The following TRAK2 variants were observed in gnomAD, a reference collection of about 807,000 sequenced individuals.
TRAK2 encodes trafficking kinesin-binding protein 2.
A neutral mutation model predicts 104.6 loss-of-function variants in TRAK2; 81 were observed. The observed-to-expected ratio is 0.77, with a 90% confidence interval of 0.65 to 0.93. The LOEUF is 0.93. TRAK2 is among the 40% of genes least tolerant of loss of function. The pLI is 0.00. For synonymous variants in TRAK2, 406 were observed against 394.4 expected, an observed-to-expected ratio of 1.03 and a Z score of -0.35; for missense variants, 1,002 against 1,089.0, an observed-to-expected ratio of 0.92 and a Z score of 1.12.
intron 2 of TRAK2, chr2:201,410,999 G>A (rs1452246934): frequency 6.9e-7 from 1 of 1,447,942 alleles, no homozygotes; most frequent in South Asian, 1.2e-5. Flanking sequence ...AAGTCTGAAA[G>A]CCCATATTGA....
chr2:201,390,625 A>T (rs1283257244), intron 10 of TRAK2, among the ~76,000 whole-genome samples: 1 of 151,658 alleles, frequency 6.6e-6, no homozygotes, highest in Non-Finnish European at 1.5e-5. Context: ...TAGCTTTTAT[A>T]ATATTAAAAA....
chr2:201,394,504 C>A (rs985516386), intron 9 of TRAK2, among the ~76,000 whole-genome samples: 2 of 151,980 alleles, frequency 1.3e-5, no homozygotes, highest in South Asian at 2.1e-4. Flanking sequence ...CCATGCCCAG[C>A]TAACTTTTGT....
intron 2 of TRAK2, among the ~76,000 whole-genome samples, chr2:201,408,245 C>T (rs1051058847): frequency 4.6e-5 from 7 of 152,302 alleles, no homozygotes; most frequent in Non-Finnish European, 7.3e-5. Flanking sequence ...GCAGATACCA[C>T]AAATCTGAAT....
intron 10 of TRAK2, among the ~76,000 whole-genome samples, chr2:201,390,448 C>T (rs2349082): frequency 0.57 from 82,567 of 145,604 alleles, 24,737 homozygotes; most frequent in South Asian, 0.68. Context: ...CCTGTAGTCC[C>T]AGCTACTCGG....
intron 12 of TRAK2, among the ~76,000 whole-genome samples, chr2:201,388,350 A>G (rs556776643): frequency 1.3e-5 from 2 of 152,336 alleles, no homozygotes; most frequent in Non-Finnish European, 2.9e-5. Context: ...AATCTGTATC[A>G]TAGATTGCAA....
At chr2:201,440,762 G>A (rs1951914398) in intron 1 of TRAK2, among the ~76,000 whole-genome samples, 2 of 152,152 alleles carry the variant, frequency 1.3e-5, no homozygotes, top group Admixed American at 6.5e-5. Flanking sequence ...CTAAGCTTGT[G>A]GGAGTCATAT....
At chr2:201,387,601 C>T (rs1951403323) in intron 13 of TRAK2, 102 bp downstream of exon 13, 2 of 1,218,678 alleles carry the variant, frequency 1.6e-6, no homozygotes, top group Admixed American at 4.7e-5. Context: ...AAAAGATCAT[C>T]TGCACATAAT....
At chr2:201,439,864 C>T (rs879391681) in intron 1 of TRAK2, among the ~76,000 whole-genome samples, 2 of 137,476 alleles carry the variant, frequency 1.5e-5, no homozygotes, top group South Asian at 2.3e-4. Flanking sequence ...TGTTCTCACT[C>T]ATAGATGGGA....
At chr2:201,416,671 T>G (rs1363669390) in intron 2 of TRAK2, among the ~76,000 whole-genome samples, 1 of 152,084 alleles carries the variant, frequency 6.6e-6, no homozygotes, top group East Asian at 1.9e-4. Context: ...GTAAAAGGCA[T>G]AGTAATAATA....
chr2:201,391,234 T>C (rs1951445839), intron 10 of TRAK2, among the ~76,000 whole-genome samples: 1 of 152,076 alleles, frequency 6.6e-6, no homozygotes, highest in African/African-American at 2.4e-5. Flanking sequence ...TCTAGGACAA[T>C]CTGAATATCC....
rs930271633 is a variant in TRAK2 at position 201,425,042 on chromosome 2, T to C, written c.-199-4336A>G. Among the ~76,000 whole-genome samples the C allele has an allele frequency of 1.4e-4, 22 of 152,236 alleles. 1 individual carries two copies. Among genetic ancestry groups the C allele is most frequent in the Non-Finnish European group, 4.4e-5 (3 of 68,048 alleles). On this transcript the variant is annotated intron_variant, in intron 1 of 15. Transcript: ENST00000332624. ...TCCAGTGTCCACAAAGGAAGTTTTA[T>C]TGGAATACAGCCACACTTACTTAAG...
intron 4 of TRAK2, among the ~76,000 whole-genome samples, chr2:201,400,353 G>A (rs986719305): frequency 2.0e-5 from 3 of 152,004 alleles, no homozygotes; most frequent in African/African-American, 7.2e-5. Flanking sequence ...ATAAAATTAA[G>A]CTTCTATCCT....
chr2:201,414,046 C>A (rs956531951), intron 2 of TRAK2, among the ~76,000 whole-genome samples: 1 of 152,174 alleles, frequency 6.6e-6, no homozygotes, highest in African/African-American at 2.4e-5. Flanking sequence ...ATTTATCACA[C>A]ACAACAGTAG....
chr2:201,384,293 T>A, intron 14 of TRAK2, 77 bp from the exon 15 acceptor site: 7 of 1,046,756 alleles, frequency 6.7e-6, no homozygotes, highest in African/African-American at 1.6e-5. Context: ...CATTATTTAT[T>A]AATAATATAG....
chr2:201,381,700 A>G (rs1465822592), intron 15 of TRAK2, among the ~76,000 whole-genome samples: 1 of 152,214 alleles, frequency 6.6e-6, no homozygotes, highest in Non-Finnish European at 1.5e-5. Flanking sequence ...ATCTTTCACA[A>G]TTAAACATGA....
chr2:201,450,748 G>A (rs550545115), intron 1 of TRAK2, among the ~76,000 whole-genome samples: 4 of 150,478 alleles, frequency 2.7e-5, no homozygotes, highest in African/African-American at 7.4e-5. Context: ...GCATGAGCAA[G>A]AGCAAGTAAC....
At chr2:201,382,424 C>G (rs889665957) in intron 15 of TRAK2, among the ~76,000 whole-genome samples, 1 of 152,116 alleles carries the variant, frequency 6.6e-6, no homozygotes, top group African/African-American at 2.4e-5. Flanking sequence ...TGTATAGGAA[C>G]AGCAAAATTC....
intron 2 of TRAK2, chr2:201,411,866 A>G: frequency 1.1e-6 from 1 of 949,634 alleles, no homozygotes; most frequent in East Asian, 2.4e-5. Flanking sequence ...GTATCAAAGT[A>G]TGTTTCATGA....
At chr2:201,382,507 TC>T (rs201167936) in intron 15 of TRAK2, among the ~76,000 whole-genome samples, 3 of 30,570 alleles carry the variant, frequency 9.8e-5, no homozygotes, top group Non-Finnish European at 2.8e-4. Flanking sequence ...TATATTGTAT[TC>T]CCAGTCTCTA....
Sources: allele counts gnomAD v4.1 joint callset (sites outside exome capture counted in the v4.1 genomes callset), GRCh38; gene constraint gnomAD v4.1.1; transcripts MANE v1.5; gene names NCBI Gene and HGNC (gene_info 2026-07-23, HGNC 2026-07-21).